STK17A: variants seen among roughly 807,000 people sequenced by gnomAD.
STK17A encodes serine/threonine-protein kinase 17A.
STK17A carries 26 observed loss-of-function variants against 43.7 expected under a neutral mutation model. That is an observed-to-expected ratio of 0.60 (90% CI 0.44 to 0.83). The LOEUF is 0.83. Among genes scored for constraint, STK17A ranks in the 40% least tolerant of loss-of-function variants. The pLI, the probability that STK17A is intolerant of heterozygous loss-of-function variation, is 0.00. For missense variants in STK17A, 476 were observed against 511.6 expected (o/e 0.93, Z 0.67); for synonymous variants, 191 against 182.5 (o/e 1.05, Z -0.38).
Position 43,596,033 on chromosome 7 carries a change from A to G in STK17A, c.339A>G (p.Glu113=). The G allele has an allele frequency of 6.2e-7, 1 of 1,613,914 alleles. No homozygotes were observed. The highest frequency in any genetic ancestry group is 1.1e-5 in the South Asian group (1 of 91,080). Reference sequence around the variant, plus strand: ...TAATTCATGAGATTGCTGTACTTGAACTAGCACAAGACAATCCTTGGGTCA... The same window carrying G: ...TAATTCATGAGATTGCTGTACTTGAGCTAGCACAAGACAATCCTTGGGTCA... ...MEIIHEIAVL[E]LAQDNPWVIN... is the part of the protein sequence containing the mutation. Residue 113 remains glutamate, a synonymous_variant, in exon 2 of 7, where the codon GAA becomes GAG. Transcript: ENST00000319357.
chr7:43,586,944 A>G (rs1194942961), intron 1 of STK17A, among the ~76,000 whole-genome samples: 8 of 151,216 alleles, frequency 5.3e-5, no homozygotes, highest in Non-Finnish European at 1.2e-4. Flanking sequence ...GATTCTCACC[A>G]CAAGCCTGTT....
At chr7:43,595,391 C>A (rs755900427) in intron 1 of STK17A, among the ~76,000 whole-genome samples, 1 of 151,388 alleles carries the variant, frequency 6.6e-6, no homozygotes, top group Non-Finnish European at 1.5e-5. Context: ...GATTCCCATG[C>A]CTCAGCCTCC....
In STK17A at chr7:43,595,946, G is replaced by T. The variant is rs776653539; in HGVS notation, c.252G>T (p.Gly84=). Residue 84 remains glycine (G), a synonymous_variant, in exon 2 of 7, where the codon GGG becomes GGT. Transcript: ENST00000319357. ...VVRKCIKKDS[G]KEFAAKFMRK... Reference sequence around the variant, plus strand: ...GAAAATGTATAAAGAAAGATTCTGGGAAAGAATTTGCTGCAAAGTTCATGA... The same window carrying T: ...GAAAATGTATAAAGAAAGATTCTGGTAAAGAATTTGCTGCAAAGTTCATGA... 1 of 1,613,818 alleles carries T rather than the reference G, an allele frequency of 6.2e-7. No homozygotes were observed. The highest frequency in any genetic ancestry group is 1.1e-5 in the South Asian group (1 of 91,062).
chr7:43,586,693 T>C (rs10267832), intron 1 of STK17A, among the ~76,000 whole-genome samples: 21,239 of 151,352 alleles, frequency 0.14, 2,627 homozygotes, highest in Non-Finnish European at 0.21. Context: ...AGCAAATGAT[T>C]TGCCTTACAT....
At position 43,624,573 on chromosome 7, in the gene STK17A, A is replaced by C; in HGVS notation, c.976A>C (p.Ile326Leu). 1 of 1,614,148 alleles carries C rather than the reference A, an allele frequency of 6.2e-7. No homozygotes were observed. The highest frequency in any genetic ancestry group is 8.5e-7 in the Non-Finnish European group (1 of 1,180,006). Residue 326 changes from isoleucine to leucine, a missense_variant, in exon 7 of 7, where the codon ATT (isoleucine) becomes CTT (leucine). Physicochemically the swap from Ile to Leu is conservative, Grantham distance 5. Coordinates refer to ENST00000319357, the MANE Select transcript of STK17A (RefSeq NM_004760.3). Reference sequence around the variant, plus strand: ...GCACCCCTGGTTGACACAGAGCAGTATTCAAGAGCCTTCTTTCAGGATGGA... The same window carrying C: ...GCACCCCTGGTTGACACAGAGCAGTCTTCAAGAGCCTTCTTTCAGGATGGA... ...LKHPWLTQSS[I>L]QEPSFRMEKA...
intron 1 of STK17A, among the ~76,000 whole-genome samples, chr7:43,592,959 A>G (rs1252247853): frequency 2.6e-5 from 4 of 152,226 alleles, no homozygotes; most frequent in Non-Finnish European, 5.9e-5. Flanking sequence ...CAGGGGTACA[A>G]GTGCATTTGT....
chr7:43,621,739 AG>A (rs2083912677), intron 4 of STK17A, among the ~76,000 whole-genome samples: 1 of 152,210 alleles, frequency 6.6e-6, no homozygotes, highest in Non-Finnish European at 1.5e-5. Context: ...TTTTCTATCA[AG>A]AGCCTTTCCC....
chr7:43,614,616 C>CAT (rs2083181087), intron 3 of STK17A, among the ~76,000 whole-genome samples: 1 of 152,158 alleles, frequency 6.6e-6, no homozygotes, highest in African/African-American at 2.4e-5. Flanking sequence ...AAATTGGGCA[C>CAT]AGTTAGTTGG....
chr7:43,591,435 G>A (rs1287167041), intron 1 of STK17A, among the ~76,000 whole-genome samples: 3 of 151,478 alleles, frequency 2.0e-5, no homozygotes, highest in Non-Finnish European at 4.4e-5. Context: ...AGTCATTGCT[G>A]CAGAGACCCT....
intron 2 of STK17A, among the ~76,000 whole-genome samples, chr7:43,596,734 G>A (rs2152971214): frequency 6.6e-6 from 1 of 152,162 alleles, no homozygotes; most frequent in East Asian, 1.9e-4. Context: ...CTGGCGTGGT[G>A]GCATGTGCCT....
intron 4 of STK17A, among the ~76,000 whole-genome samples, chr7:43,622,039 T>TAGGG (rs2083952801): frequency 1.3e-5 from 2 of 152,186 alleles, no homozygotes; most frequent in African/African-American, 2.4e-5. Flanking sequence ...ACCGACCTCA[T>TAGGG]AGGGAATTTG....
Position 43,596,055 on chromosome 7 carries a change from G to A in STK17A, c.361G>A (p.Val121Ile). The change falls in exon 2 of 7, where the codon GTC (valine) becomes ATC (isoleucine). Residue 121 changes from valine (V) to isoleucine (I), a missense_variant. Physicochemically the swap from Val to Ile is conservative, Grantham distance 29. Coordinates refer to ENST00000319357, the MANE Select transcript of STK17A (RefSeq NM_004760.3). Reference protein sequence around the residue: ...VLELAQDNPWVINLHEVYETA... With the variant: ...VLELAQDNPWIINLHEVYETA... Reference sequence around the variant, plus strand: ...TGAACTAGCACAAGACAATCCTTGGGTCATTAATTTACATGAAGTTTATGA... The same window carrying A: ...TGAACTAGCACAAGACAATCCTTGGATCATTAATTTACATGAAGTTTATGA... 6.2e-7 allele frequency: 1 copy of A among 1,613,588 alleles called. No homozygotes were observed. The highest frequency in any genetic ancestry group is 8.5e-7 in the Non-Finnish European group (1 of 1,179,800).
At chr7:43,594,895 GAAAGA>G (rs910955640) in intron 1 of STK17A, among the ~76,000 whole-genome samples, 1 of 134,022 alleles carries the variant, frequency 7.5e-6, no homozygotes, top group African/African-American at 2.6e-5. Context: ...AAAAAAGAAA[GAAAGA>G]AAAGAAAAGA....
rs1188615091 is a variant in STK17A at position 43,627,093 on chromosome 7, T to C, written c.*2251T>C. On this transcript the variant is annotated 3_prime_UTR_variant, in exon 7 of 7. Coordinates refer to ENST00000319357, the MANE Select transcript of STK17A (RefSeq NM_004760.3). The stretch of plus-strand genomic sequence containing the variant: ...ATTTATAAAGGACTAAACAGTACTA[T>C]TGAGTTTACTCGGTTTATAAATCCA... 6.6e-6 allele frequency among the ~76,000 whole-genome samples: 1 copy of C among 152,246 alleles called. No homozygotes were observed. The highest frequency in any genetic ancestry group is 2.4e-5 in the African/African-American group (1 of 41,468).
chr7:43,591,146 G>T lies in STK17A; in HGVS notation c.207-4755G>T, dbSNP rs1171979601. ...GTCATAATGTCAGTTTCAGTGGTAT[G>T]TGGTATTAGAATGATGGAAGAGTTT... On this transcript the variant is annotated intron_variant, in intron 1 of 6. Coordinates refer to ENST00000319357, the MANE Select transcript of STK17A (RefSeq NM_004760.3). Among the ~76,000 whole-genome samples, 4 of 151,650 alleles carry T rather than the reference G, an allele frequency of 2.6e-5. No individual in the cohort carries two copies. The South Asian group carries it at 8.3e-4, about 31-fold the overall frequency.
chr7:43,601,914 C>G (rs2082558161), intron 2 of STK17A, among the ~76,000 whole-genome samples: 1 of 152,070 alleles, frequency 6.6e-6, no homozygotes, highest in African/African-American at 2.4e-5. Flanking sequence ...CACCCCCACC[C>G]CCTGAGCTAA....
intron 3 of STK17A, 83 bp downstream of exon 3, chr7:43,608,483 G>T: frequency 6.7e-7 from 1 of 1,484,046 alleles, no homozygotes; most frequent in Non-Finnish European, 9.1e-7. Context: ...ATTCAAACAT[G>T]TTTCACGTTT....
chr7:43,612,361 A>G (rs530678319), intron 3 of STK17A, among the ~76,000 whole-genome samples: 25 of 152,328 alleles, frequency 1.6e-4, no homozygotes, highest in African/African-American at 4.6e-4. Context: ...CTAAAAGGTC[A>G]TTTCCAATTG....
At chr7:43,615,246 G>A (rs538187982) in intron 3 of STK17A, among the ~76,000 whole-genome samples, 3 of 152,252 alleles carry the variant, frequency 2.0e-5, no homozygotes, top group Non-Finnish European at 2.9e-5. Flanking sequence ...CACTATCTCG[G>A]CTCACTGCAA....
Sources: allele counts gnomAD v4.1 joint callset (sites outside exome capture counted in the v4.1 genomes callset), GRCh38; gene constraint gnomAD v4.1.1; transcripts MANE v1.5; gene names NCBI Gene and HGNC (gene_info 2026-07-23, HGNC 2026-07-21).